Variants in PCDHA10 observed in about 807,000 individuals in gnomAD.
PCDHA10 encodes protocadherin alpha 10, also known as protocadherin alpha-10.
PCDHA10 carries 45 observed loss-of-function variants against 61.2 expected under a neutral mutation model. The observed-to-expected ratio is 0.74, with a 90% CI of 0.58 to 0.94. The LOEUF (loss-of-function observed/expected upper bound fraction) is 0.94. Ranked by LOEUF, PCDHA10 falls within the 40% of genes least tolerant of loss-of-function variation. The pLI is 0.00. For missense variants in PCDHA10, 1,278 were observed against 1,236.2 expected, an observed-to-expected ratio of 1.03 and a Z score of -0.51; for synonymous variants, 602 against 548.8, an observed-to-expected ratio of 1.10 and a Z score of -1.35.
At position 140,869,188 on chromosome 5, in the gene PCDHA10, G is replaced by T. The variant is rs200563745; in HGVS notation, c.2388+10752G>T. 364 of 1,613,946 alleles carry T rather than the reference G, an allele frequency of 2.3e-4. 4 individuals carry two copies. In the Admixed American group the frequency reaches 5.9e-3, roughly 26 times the overall value. On this transcript the variant is annotated intron_variant, in intron 1 of 3. Coordinates refer to ENST00000307360, the MANE Select transcript of PCDHA10 (RefSeq NM_018901.4). ...CCTCGAATTCTGGGAGGTGGGGAGC[G>T]GCCAGCTCCACTACTCCGTCTCGGA...
intron 1 of PCDHA10, among the ~76,000 whole-genome samples, chr5:140,923,952 C>T (rs1313695833): frequency 5.9e-5 from 9 of 152,178 alleles, no homozygotes; most frequent in Non-Finnish European, 1.0e-4. Context: ...TTTCCTCACG[C>T]CCTAATCTAT....
intron 1 of PCDHA10, among the ~76,000 whole-genome samples, chr5:140,917,076 T>C (rs986884478): frequency 1.3e-5 from 2 of 152,124 alleles, no homozygotes; most frequent in East Asian, 3.9e-4. Flanking sequence ...CCGAGTTTAA[T>C]GTAAAGTTCC....
chr5:140,923,508 G>C (rs570497442), intron 1 of PCDHA10, among the ~76,000 whole-genome samples: 1 of 152,222 alleles, frequency 6.6e-6, no homozygotes, highest in Non-Finnish European at 1.5e-5. Flanking sequence ...CAGCCTGGAT[G>C]ATGAAGTGAG....
chr5:140,930,044 A>G (rs1416118719), intron 1 of PCDHA10: 1 of 152,194 alleles, frequency 6.6e-6, no homozygotes, highest in African/African-American at 2.4e-5. Context: ...ACTGCTTTGG[A>G]GTTTTTGCTT....
intron 1 of PCDHA10, chr5:140,876,794 T>G: frequency 6.2e-7 from 1 of 1,614,056 alleles, no homozygotes; most frequent in Non-Finnish European, 8.5e-7. Flanking sequence ...ACGGCTAGAG[T>G]GTCCGTGGAG....
intron 1 of PCDHA10, chr5:140,969,137 T>A (rs1326685727): frequency 6.2e-7 from 1 of 1,614,036 alleles, no homozygotes. Flanking sequence ...CACCAAGACC[T>A]ACTGCTACAA....
At chr5:140,978,462 G>T (rs939639463) in intron 1 of PCDHA10, among the ~76,000 whole-genome samples, 3 of 152,222 alleles carry the variant, frequency 2.0e-5, no homozygotes, top group Admixed American at 1.3e-4. Flanking sequence ...TCCGCCCTGG[G>T]TCAAATATGC....
At chr5:140,882,538 C>T (rs782086663) in intron 1 of PCDHA10, 2 of 1,614,170 alleles carry the variant, frequency 1.2e-6, no homozygotes, top group Non-Finnish European at 1.7e-6. Flanking sequence ...ATTCTCGGAT[C>T]GACCGCGAGG....
At position 140,899,258 on chromosome 5, in the gene PCDHA10, T is replaced by C. The variant is rs1293804815; in HGVS notation, c.2388+40822T>C. On this transcript the variant is annotated intron_variant, in intron 1 of 3. Transcript: ENST00000307360. Reference sequence around the variant, plus strand: ...TAGGAGTGGTGAGAGAGGGCATCCCTGTCTTGTGGCAGTTTTCAAAGGGAA... The same window carrying C: ...TAGGAGTGGTGAGAGAGGGCATCCCCGTCTTGTGGCAGTTTTCAAAGGGAA... Among the ~76,000 whole-genome samples the C allele has an allele frequency of 3.7e-4, 56 of 152,282 alleles. No individual in the cohort carries two copies. In the South Asian group the frequency reaches 0.012, roughly 32 times the overall value.
chr5:140,907,705 G>A (rs2073545190), intron 1 of PCDHA10, among the ~76,000 whole-genome samples: 1 of 152,204 alleles, frequency 6.6e-6, no homozygotes, highest in Non-Finnish European at 1.5e-5. Context: ...CCCTGTTGCT[G>A]AGCCCATGTG....
chr5:140,934,103 T>C (rs1400037088), intron 1 of PCDHA10, among the ~76,000 whole-genome samples: 1 of 152,148 alleles, frequency 6.6e-6, no homozygotes, highest in Non-Finnish European at 1.5e-5. Context: ...TGCTTTCTAT[T>C]TTATTAATTT....
At chr5:140,986,246 C>G (rs561365390) in intron 3 of PCDHA10, among the ~76,000 whole-genome samples, 1 of 152,296 alleles carries the variant, frequency 6.6e-6, no homozygotes, top group South Asian at 2.1e-4. Flanking sequence ...TGAGCAGACC[C>G]GGACCACAGG....
intron 1 of PCDHA10, among the ~76,000 whole-genome samples, chr5:140,955,070 G>A (rs755676357): frequency 2.2e-4 from 34 of 152,166 alleles, no homozygotes; most frequent in Non-Finnish European, 4.1e-4. Context: ...GTTTGTTGAA[G>A]ATCAGATGGT....
intron 1 of PCDHA10, chr5:140,930,379 G>A (rs1249793792): frequency 1.3e-5 from 2 of 151,896 alleles, no homozygotes; most frequent in African/African-American, 2.4e-5. Context: ...GTGGCCCTTG[G>A]CATTTCAAAA....
intron 1 of PCDHA10, among the ~76,000 whole-genome samples, chr5:140,951,313 T>C (rs1554219855): frequency 1.3e-5 from 2 of 152,194 alleles, no homozygotes; most frequent in Non-Finnish European, 2.9e-5. Flanking sequence ...TAATGTGTTA[T>C]TCTTGAGATT....
intron 3 of PCDHA10, among the ~76,000 whole-genome samples, chr5:140,983,854 T>C (rs1554245766): frequency 6.6e-6 from 1 of 152,206 alleles, no homozygotes; most frequent in Admixed American, 6.5e-5. Flanking sequence ...TTAAGTAACA[T>C]GCAGCTAAGG....
chr5:140,897,629 T>A (rs2066228656), intron 1 of PCDHA10, among the ~76,000 whole-genome samples: 1 of 152,116 alleles, frequency 6.6e-6, no homozygotes, highest in Non-Finnish European at 1.5e-5. Context: ...TACTATTGTG[T>A]ATAGTGCCAC....
At chr5:140,949,816 A>G (rs1223140568) in intron 1 of PCDHA10, among the ~76,000 whole-genome samples, 2 of 151,532 alleles carry the variant, frequency 1.3e-5, no homozygotes, top group African/African-American at 4.8e-5. Context: ...TTTGCTTTCT[A>G]TTTGTCCCCT....
At chr5:141,005,321 A>C (rs1455149994) in intron 3 of PCDHA10, among the ~76,000 whole-genome samples, 1 of 152,182 alleles carries the variant, frequency 6.6e-6, no homozygotes, top group Admixed American at 6.5e-5. Context: ...AGTGGTAGAG[A>C]ATAATAGGCC....
Sources: gnomAD v4.1 joint callset for allele counts (sites outside exome capture counted in the v4.1 genomes callset) on GRCh38, gnomAD v4.1.1 for gene constraint, MANE v1.5 for transcripts, NCBI Gene and HGNC (gene_info 2026-07-23, HGNC 2026-07-21) for gene names.